The following TAFA5 variants were observed in gnomAD, a reference collection of about 807,000 sequenced individuals.
TAFA5 encodes chemokine-like protein TAFA-5.
In TAFA5, 6 loss-of-function variants were observed where a neutral mutation model predicts 15.3. The ratio of observed to expected loss-of-function variants is 0.39; its 90% confidence interval spans 0.21 to 0.77. TAFA5 has a LOEUF of 0.77. TAFA5 is among the 30% of genes least tolerant of loss of function. The probability of loss-of-function intolerance (pLI) is 0.41; values close to 1 mark genes in which losing one functional copy is unlikely to be tolerated. For synonymous variants in TAFA5, 103 were observed against 80.7 expected (o/e 1.28, Z -1.48); for missense variants, 161 against 193.1 (o/e 0.83, Z 0.98).
intron 2 of TAFA5, among the ~76,000 whole-genome samples, chr22:48,687,016 G>GTGGA (rs903082524): frequency 6.7e-5 from 10 of 149,942 alleles, no homozygotes; most frequent in Non-Finnish European, 8.9e-5. Flanking sequence ...TGGTGGACAA[G>GTGGA]TGGATGGATG....
At position 48,609,321 on chromosome 22, in the gene TAFA5, G is replaced by A. The variant is rs1470929183; in HGVS notation, c.113-37276G>A. On this transcript the variant is annotated intron_variant, in intron 1 of 3. Coordinates refer to ENST00000402357, the MANE Select transcript of TAFA5 (RefSeq NM_001082967.3). ...AAGGAGCCAAGTTTCTGAGTTAAGAGACCTTCGTGGACGCTCGGCCAGGCA... is the reference window on the plus strand; with the variant it reads ...AAGGAGCCAAGTTTCTGAGTTAAGAAACCTTCGTGGACGCTCGGCCAGGCA... Among the ~76,000 whole-genome samples the A allele has an allele frequency of 2.6e-5, 4 of 152,352 alleles. No individual in the cohort carries two copies. In the South Asian group the frequency reaches 8.3e-4, roughly 32 times the overall value.
intron 2 of TAFA5, among the ~76,000 whole-genome samples, chr22:48,701,350 C>T (rs1328807312): frequency 6.6e-6 from 1 of 152,110 alleles, no homozygotes; most frequent in Non-Finnish European, 1.5e-5. Flanking sequence ...AGGGAGGGCT[C>T]TCCTCTAAGG....
At chr22:48,734,993 C>T (rs369373467) in intron 3 of TAFA5, among the ~76,000 whole-genome samples, 2 of 152,202 alleles carry the variant, frequency 1.3e-5, no homozygotes, top group African/African-American at 2.4e-5. Flanking sequence ...TGAGGAAGAA[C>T]GCTGCGATTG....
chr22:48,614,645 C>T (rs1925531663), intron 1 of TAFA5, among the ~76,000 whole-genome samples: 1 of 152,206 alleles, frequency 6.6e-6, no homozygotes, highest in Non-Finnish European at 1.5e-5. Flanking sequence ...GGGAAACATG[C>T]TGTAGGTGAC....
rs186743544 is a variant in TAFA5 at position 48,576,298 on chromosome 22, C to T, written c.113-70299C>T. ...CTCCCCCCGCCCGCTCCCCTCCCCC[C>T]TGCCCAGAAAGACACAAATCGCCTC... On this transcript the variant is annotated intron_variant, in intron 1 of 3. Coordinates refer to ENST00000402357, the MANE Select transcript of TAFA5 (RefSeq NM_001082967.3). 4.3e-4 allele frequency: 504 copies of T among 1,160,096 alleles called. 3 individuals are homozygous for T. The Middle Eastern group carries it at 5.9e-3, about 14-fold the overall frequency. The allele number at this position is 1,160,096 out of a possible 1,614,324, so 71.9% of individuals were successfully genotyped here.
intron 1 of TAFA5, among the ~76,000 whole-genome samples, chr22:48,581,403 C>T (rs34155012): frequency 0.21 from 31,798 of 152,222 alleles, 3,340 homozygotes; most frequent in Admixed American, 0.23. Flanking sequence ...CCGCCGGCAT[C>T]TGTGGAAACT....
At chr22:48,660,373 C>T (rs539695725) in intron 2 of TAFA5, among the ~76,000 whole-genome samples, 4 of 152,136 alleles carry the variant, frequency 2.6e-5, no homozygotes, top group East Asian at 3.8e-4. Context: ...GCGCACATCT[C>T]GAGTATGTTT....
At chr22:48,713,408 G>A (rs533603607) in intron 3 of TAFA5, among the ~76,000 whole-genome samples, 1 of 152,334 alleles carries the variant, frequency 6.6e-6, no homozygotes, top group East Asian at 1.9e-4. Flanking sequence ...GGACACTGAG[G>A]TCTCCTTGGG....
At chr22:48,593,239 C>T (rs755774134) in intron 1 of TAFA5, among the ~76,000 whole-genome samples, 6 of 152,142 alleles carry the variant, frequency 3.9e-5, no homozygotes, top group African/African-American at 9.7e-5. Context: ...GTGTATAAAG[C>T]GGAGCATTGG....
At chr22:48,546,482 C>T (rs1375423320) in intron 1 of TAFA5, 14 of 470,962 alleles carry the variant, frequency 3.0e-5, no homozygotes, top group Non-Finnish European at 4.8e-5. Context: ...CTTTCTCAAA[C>T]GGGGTGTGTG....
rs541376989 is a variant in TAFA5, at chr22:48,599,332, C to T, written c.113-47265C>T. On this transcript the variant is annotated intron_variant, in intron 1 of 3. Transcript: ENST00000402357. ...TCCGCTCCGTAACACGCAGAAGACA[C>T]TTTCCACTCTGGAGATGGCAAGGGC... Among the ~76,000 whole-genome samples the T allele has an allele frequency of 2.6e-5, 4 of 152,340 alleles. No homozygotes were observed. In the South Asian group the frequency reaches 8.3e-4, roughly 32 times the overall value.
chr22:48,514,597 A>T (rs1921338201), intron 1 of TAFA5, among the ~76,000 whole-genome samples: 1 of 151,748 alleles, frequency 6.6e-6, no homozygotes, highest in African/African-American at 2.4e-5. Context: ...CTGCCCAGGG[A>T]GCTTATAAGC....
chr22:48,649,997 G>C (rs1238725229), intron 2 of TAFA5, among the ~76,000 whole-genome samples: 1 of 152,198 alleles, frequency 6.6e-6, no homozygotes, highest in East Asian at 1.9e-4. Flanking sequence ...GTTTTCAAGG[G>C]AGGCCAAACA....
chr22:48,694,300 G>A (rs1442359586), intron 2 of TAFA5, among the ~76,000 whole-genome samples: 4 of 152,200 alleles, frequency 2.6e-5, no homozygotes, highest in African/African-American at 9.7e-5. Context: ...CAGAAAGCTG[G>A]GGAAAGGGGT....
intron 1 of TAFA5, among the ~76,000 whole-genome samples, chr22:48,507,984 GC>G (rs1052574346): frequency 3.9e-5 from 6 of 152,146 alleles, no homozygotes; most frequent in Non-Finnish European, 7.4e-5. Context: ...CCATCGCCCA[GC>G]CCCTAGAGCC....
chr22:48,599,008 G>C (rs1331598336), intron 1 of TAFA5, among the ~76,000 whole-genome samples: 1 of 152,156 alleles, frequency 6.6e-6, no homozygotes, highest in Non-Finnish European at 1.5e-5. Context: ...GGTGCATAGG[G>C]CCAGGGGAGG....
At chr22:48,556,111 G>C (rs1923028531) in intron 1 of TAFA5, among the ~76,000 whole-genome samples, 1 of 152,208 alleles carries the variant, frequency 6.6e-6, no homozygotes, top group African/African-American at 2.4e-5. Context: ...TCAAACTCCT[G>C]GGCCACTGAT....
At chr22:48,673,144 C>A (rs1464896866) in intron 2 of TAFA5, among the ~76,000 whole-genome samples, 2 of 152,204 alleles carry the variant, frequency 1.3e-5, no homozygotes, top group African/African-American at 4.8e-5. Flanking sequence ...TGTTCAAGTT[C>A]TGAGGAAGGT....
At chr22:48,558,791 C>T (rs1258155507) in intron 1 of TAFA5, among the ~76,000 whole-genome samples, 3 of 152,196 alleles carry the variant, frequency 2.0e-5, no homozygotes, top group African/African-American at 7.2e-5. Context: ...TGGTGGTTCA[C>T]GAGGTCAGGA....
Sources: gnomAD v4.1 joint callset for allele counts (sites outside exome capture counted in the v4.1 genomes callset) on GRCh38, gnomAD v4.1.1 for gene constraint, MANE v1.5 for transcripts, NCBI Gene and HGNC (gene_info 2026-07-23, HGNC 2026-07-21) for gene names.